CAMK1D: variants seen among roughly 807,000 people sequenced by gnomAD.
CAMK1D encodes calcium/calmodulin dependent protein kinase ID.
CAMK1D carries 9 observed loss-of-function variants against 47.7 expected under a neutral mutation model. The ratio of observed to expected loss-of-function variants is 0.19; its 90% CI spans 0.11 to 0.33. The LOEUF (loss-of-function observed/expected upper bound fraction) is 0.33. CAMK1D is among the 10% of genes least tolerant of loss of function. The pLI, the probability that CAMK1D is intolerant of heterozygous loss-of-function variation, is 1.00. For missense variants in CAMK1D, 291 were observed against 488.7 expected, an observed-to-expected ratio of 0.60 and a Z score of 3.81; for synonymous variants, 184 against 184.9, an observed-to-expected ratio of 0.99 and a Z score of 0.04.
intron 5 of CAMK1D, among the ~76,000 whole-genome samples, chr10:12,784,516 GAGAGCA>G (rs57455058): frequency 0.23 from 34,784 of 151,836 alleles, 4,088 homozygotes; most frequent in East Asian, 0.45. Flanking sequence ...GTATTAAAGG[GAGAGCA>G]ACATGAGTGA....
chr10:12,678,248 C>A lies in CAMK1D; in HGVS notation c.299+11438C>A, dbSNP rs539303444. Reference sequence around the variant, plus strand: ...TTTCCCTTGTGATTTCTTCTTTGACCCAGTGGTTGTTTAATAGTATGTTAA... The same window carrying A: ...TTTCCCTTGTGATTTCTTCTTTGACACAGTGGTTGTTTAATAGTATGTTAA... On this transcript the variant is annotated intron_variant, in intron 3 of 10. Coordinates refer to ENST00000619168, the MANE Select transcript of CAMK1D (RefSeq NM_153498.4). 1.4e-4 allele frequency among the ~76,000 whole-genome samples: 22 copies of A among 151,870 alleles called. No homozygotes were observed. In the South Asian group the frequency reaches 4.4e-3, roughly 30 times the overall value.
At chr10:12,735,091 G>C (rs983554942) in intron 3 of CAMK1D, among the ~76,000 whole-genome samples, 2 of 152,208 alleles carry the variant, frequency 1.3e-5, no homozygotes, top group African/African-American at 4.8e-5. Flanking sequence ...TGCTTTCTCT[G>C]TGTCTGCTTT....
intron 4 of CAMK1D, among the ~76,000 whole-genome samples, chr10:12,764,184 C>T (rs1407472609): frequency 6.6e-6 from 1 of 152,058 alleles, no homozygotes; most frequent in African/African-American, 2.4e-5. Context: ...AGTTCGAGAC[C>T]AGCCTGACCA....
chr10:12,450,450 G>T (rs1407422212), intron 1 of CAMK1D, among the ~76,000 whole-genome samples: 2 of 152,142 alleles, frequency 1.3e-5, no homozygotes, highest in Non-Finnish European at 2.9e-5. Context: ...TCTTAAAGAA[G>T]GATCGAAGCT....
chr10:12,653,223 G>A (rs1421693150), intron 2 of CAMK1D: 2 of 154,148 alleles, frequency 1.3e-5, no homozygotes, highest in African/African-American at 4.8e-5. Context: ...ATCCACAAAT[G>A]GGTTAATCTA....
At chr10:12,528,605 C>T (rs1835702518) in intron 1 of CAMK1D, among the ~76,000 whole-genome samples, 1 of 152,042 alleles carries the variant, frequency 6.6e-6, no homozygotes, top group Non-Finnish European at 1.5e-5. Context: ...GGGTCTAAGC[C>T]CACCTCCTGA....
intron 4 of CAMK1D, among the ~76,000 whole-genome samples, chr10:12,761,704 C>T (rs769356533): frequency 2.0e-5 from 3 of 152,030 alleles, no homozygotes; most frequent in East Asian, 1.9e-4. Flanking sequence ...CTGGCCAACA[C>T]GGTGAAACCC....
At position 12,535,898 on chromosome 10, in the gene CAMK1D, A is replaced by G. The variant is rs116203385; in HGVS notation, c.93-17327A>G. ...GGAGTTGTGGTGTGTTATCTGTGGT[A>G]ACACCACAGATGAGGACACAGGCTC... On this transcript the variant is annotated intron_variant, in intron 1 of 10. Coordinates refer to ENST00000619168, the MANE Select transcript of CAMK1D (RefSeq NM_153498.4). Among the ~76,000 whole-genome samples, 487 of 152,266 alleles carry G rather than the reference A, an allele frequency of 3.2e-3. 3 individuals are homozygous for G. Among genetic ancestry groups the G allele is most frequent in the African/African-American group, 0.011 (462 of 41,558 alleles).
At chr10:12,471,661 C>T (rs981298783) in intron 1 of CAMK1D, among the ~76,000 whole-genome samples, 3 of 152,212 alleles carry the variant, frequency 2.0e-5, no homozygotes, top group Non-Finnish European at 2.9e-5. Context: ...GAGCTCCCTG[C>T]CTGCAGAATG....
At position 12,830,169 on chromosome 10, in the gene CAMK1D, G is replaced by A. The variant is rs1472792741; in HGVS notation, c.*1282G>A. 6.6e-6 allele frequency: 1 copy of A among 152,174 alleles called. No homozygotes were observed. The allele number at this position is 152,174 out of a possible 1,614,324, so 9.4% of individuals were successfully genotyped here. On this transcript the variant is annotated 3_prime_UTR_variant, in exon 11 of 11. Coordinates refer to ENST00000619168, the MANE Select transcript of CAMK1D (RefSeq NM_153498.4). ...ACAGATGAAAGCTCAGCTATGCAGT[G>A]TTAAAATTCATCTCTTTCTCTGTGG...
At chr10:12,561,836 A>G (rs1836953365) in intron 2 of CAMK1D, among the ~76,000 whole-genome samples, 1 of 152,240 alleles carries the variant, frequency 6.6e-6, no homozygotes, top group Admixed American at 6.5e-5. Context: ...TTTCTTGGAC[A>G]TTGCTTATAG....
chr10:12,701,319 G>A (rs1014103766), intron 3 of CAMK1D, among the ~76,000 whole-genome samples: 4 of 152,122 alleles, frequency 2.6e-5, no homozygotes, highest in African/African-American at 7.2e-5. Context: ...ATTTATAAAC[G>A]GAAGTGATTT....
intron 1 of CAMK1D, among the ~76,000 whole-genome samples, chr10:12,501,249 T>A (rs1284413135): frequency 6.6e-6 from 1 of 152,252 alleles, no homozygotes; most frequent in East Asian, 1.9e-4. Flanking sequence ...GGGGGCAGAA[T>A]TTACTTAGTC....
intron 2 of CAMK1D, among the ~76,000 whole-genome samples, chr10:12,600,407 A>C (rs1159640113): frequency 6.6e-6 from 1 of 152,108 alleles, no homozygotes; most frequent in Non-Finnish European, 1.5e-5. Flanking sequence ...AAGAGTCCCT[A>C]CTCGGTAACC....
At chr10:12,462,073 G>A (rs1024837294) in intron 1 of CAMK1D, among the ~76,000 whole-genome samples, 2 of 151,370 alleles carry the variant, frequency 1.3e-5, no homozygotes, top group African/African-American at 2.4e-5. Flanking sequence ...GTGTTCTGTC[G>A]AAGTCCAAAT....
At chr10:12,390,199 C>T (rs952391131) in intron 1 of CAMK1D, among the ~76,000 whole-genome samples, 3 of 152,048 alleles carry the variant, frequency 2.0e-5, no homozygotes, top group Non-Finnish European at 4.4e-5. Context: ...TAGTGATTTG[C>T]ACCAGTGGCC....
chr10:12,464,155 A>T (rs1469618559), intron 1 of CAMK1D, among the ~76,000 whole-genome samples: 1 of 152,124 alleles, frequency 6.6e-6, no homozygotes, highest in Non-Finnish European at 1.5e-5. Flanking sequence ...ATATCTCAAA[A>T]CAATAAATAA....
At chr10:12,639,664 T>A in intron 2 of CAMK1D, among the ~76,000 whole-genome samples, 1 of 152,228 alleles carries the variant, frequency 6.6e-6, no homozygotes, top group South Asian at 2.1e-4. Flanking sequence ...GAGAGCCTAA[T>A]GTTTATCTAC....
chr10:12,397,468 G>A (rs765660661), intron 1 of CAMK1D, among the ~76,000 whole-genome samples: 2 of 152,104 alleles, frequency 1.3e-5, no homozygotes, highest in Admixed American at 6.6e-5. Flanking sequence ...CTACCCAAGC[G>A]GAGGTCCTGT....
Sources: allele counts gnomAD v4.1 joint callset (sites outside exome capture counted in the v4.1 genomes callset), GRCh38; gene constraint gnomAD v4.1.1; transcripts MANE v1.5; gene names NCBI Gene and HGNC (gene_info 2026-07-23, HGNC 2026-07-21).